PPP4R1: variants seen among roughly 807,000 people sequenced by gnomAD.
The protein encoded by PPP4R1 is serine/threonine-protein phosphatase 4 regulatory subunit 1.
Under a neutral mutation model 111.2 loss-of-function variants are expected in PPP4R1, and 42 were observed. The observed-to-expected ratio is 0.38, with a 90% CI of 0.29 to 0.49. PPP4R1 has a LOEUF of 0.49. Ranked by LOEUF, PPP4R1 falls within the 20% of genes least tolerant of loss-of-function variation. The pLI, the probability that PPP4R1 is intolerant of heterozygous loss-of-function variation, is 0.97. For missense variants in PPP4R1, 1,012 were observed against 1,161.6 expected, an observed-to-expected ratio of 0.87 and a Z score of 1.87; for synonymous variants, 409 against 405.5, an observed-to-expected ratio of 1.01 and a Z score of -0.10.
intron 2 of PPP4R1, among the ~76,000 whole-genome samples, chr18:9,607,972 C>T (rs952663675): frequency 1.3e-5 from 2 of 151,696 alleles, no homozygotes; most frequent in African/African-American, 2.4e-5. Context: ...TTAATAGAGA[C>T]GGGGTTTCAC....
chr18:9,559,680 A>G, intron 13 of PPP4R1, 76 bp from the exon 14 acceptor site: 2 of 1,115,522 alleles, frequency 1.8e-6, no homozygotes, highest in Non-Finnish European at 2.4e-6. Flanking sequence ...AATTGGGCAA[A>G]ATTATTTTTA....
At chr18:9,557,876 A>G (rs1372444343) in intron 14 of PPP4R1, among the ~76,000 whole-genome samples, 1 of 152,200 alleles carries the variant, frequency 6.6e-6, no homozygotes, top group Non-Finnish European at 1.5e-5. Flanking sequence ...GGACCAAAGG[A>G]TCTCTAGCAC....
At chr18:9,595,901 G>A (rs932244372) in intron 2 of PPP4R1, among the ~76,000 whole-genome samples, 2 of 152,144 alleles carry the variant, frequency 1.3e-5, no homozygotes, top group Non-Finnish European at 2.9e-5. Flanking sequence ...ACTACCAAAG[G>A]AGTCAAGGAA....
intron 4 of PPP4R1, among the ~76,000 whole-genome samples, chr18:9,591,893 C>T (rs1451129321): frequency 4.6e-5 from 7 of 152,100 alleles, no homozygotes; most frequent in East Asian, 3.9e-4. Flanking sequence ...ATGGTGAAAC[C>T]CCTTCTCTAC....
At chr18:9,566,926 T>TA (rs369091036) in intron 11 of PPP4R1, among the ~76,000 whole-genome samples, 57 of 152,316 alleles carry the variant, frequency 3.7e-4, no homozygotes, top group African/African-American at 1.3e-3. Flanking sequence ...AGAGCTCTGA[T>TA]AGAGGCGTAT....
At chr18:9,556,692 C>T (rs577500374) in intron 15 of PPP4R1, among the ~76,000 whole-genome samples, 52 of 152,318 alleles carry the variant, frequency 3.4e-4, no homozygotes, top group African/African-American at 9.9e-4. Flanking sequence ...ATTCTCAAGA[C>T]GCCTGAAATA....
rs1271058684 is a variant in PPP4R1, at chr18:9,547,770, A to AC, written c.*18dup. ...CTCGGCTCTCATGGAAGCAGGAAAG[A>AC]CACCGAGATTCAAGCCTTCTAGTAG... On this transcript the variant is annotated 3_prime_UTR_variant, in exon 20 of 20. Coordinates refer to ENST00000400556, the MANE Select transcript of PPP4R1 (RefSeq NM_001042388.3). The AC allele has an allele frequency of 6.2e-7, 1 of 1,611,112 alleles. No homozygotes were observed. The highest frequency in any genetic ancestry group is 8.5e-7 in the Non-Finnish European group (1 of 1,179,158).
At chr18:9,588,662 T>C in intron 5 of PPP4R1, 49 bp downstream of exon 5, 1 of 1,506,196 alleles carries the variant, frequency 6.6e-7, no homozygotes, top group South Asian at 1.2e-5. Flanking sequence ...ATTCTCCATA[T>C]ATTACACTAC....
At position 9,549,271 on chromosome 18, in the gene PPP4R1, G is replaced by C. The variant is rs1465154017; in HGVS notation, c.2615C>G (p.Thr872Ser). The C allele has an allele frequency of 1.2e-6, 2 of 1,613,856 alleles. No individual in the cohort carries two copies. The highest frequency in any genetic ancestry group is 1.1e-5 in the South Asian group (1 of 91,090). The stretch of plus-strand genomic sequence containing the variant: ...GTTAGGAACCCTGTCATTTGCTAAG[G>C]TTAGCAGATGCGGCATGAGATGCAC... ...FAVHLMPHLL[T>S]LANDRVPNVR... The change falls in exon 19 of 20, where the codon ACC becomes AGC. Residue 872 changes from threonine to serine, a missense_variant. Physicochemically the swap from Thr to Ser is moderately conservative, Grantham distance 58. This residue lies in a region of PPP4R1 where 305 missense variants were observed against 419.5 expected (regional missense o/e 0.73). Transcript: ENST00000400556.
At chr18:9,605,959 G>T (rs2067474968) in intron 2 of PPP4R1, among the ~76,000 whole-genome samples, 1 of 152,190 alleles carries the variant, frequency 6.6e-6, no homozygotes, top group African/African-American at 2.4e-5. Context: ...GTATAGAGAA[G>T]TAACGAGCAA....
chr18:9,572,439 G>C (rs1205135604), intron 10 of PPP4R1, among the ~76,000 whole-genome samples: 1 of 152,150 alleles, frequency 6.6e-6, no homozygotes, highest in Non-Finnish European at 1.5e-5. Flanking sequence ...TCTGAGAAGA[G>C]GAAAGAATAT....
rs1442947836 is a variant in PPP4R1 at position 9,584,595 on chromosome 18, A to G, written c.694-15T>C. 1.2e-6 allele frequency: 2 copies of G among 1,609,304 alleles called. No individual in the cohort carries two copies. The highest frequency in any genetic ancestry group is 2.2e-5 in the East Asian group (1 of 44,858). Reference sequence around the variant, plus strand: ...GCAGCACAGACCTGACAACAAAAGCATCATTGACATTTCAAAATATTACAC... The same window carrying G: ...GCAGCACAGACCTGACAACAAAAGCGTCATTGACATTTCAAAATATTACAC... On this transcript the variant is annotated splice_polypyrimidine_tract_variant and intron_variant, in intron 7 of 19. Coordinates refer to ENST00000400556, the MANE Select transcript of PPP4R1 (RefSeq NM_001042388.3).
At position 9,610,908 on chromosome 18, in the gene PPP4R1, T is replaced by C. The variant is rs543161232; in HGVS notation, c.52+3318A>G. Among the ~76,000 whole-genome samples the C allele has an allele frequency of 1.6e-3, 232 of 148,602 alleles. 3 individuals carry two copies. The highest frequency in any genetic ancestry group is 2.5e-3 in the Non-Finnish European group (164 of 65,894). On this transcript the variant is annotated intron_variant, in intron 2 of 19. Transcript: ENST00000400556. The stretch of plus-strand genomic sequence containing the variant: ...CACACACACACACAAATACCATCCA[T>C]TTTTCCCTCATTAGGATTTTTTTTC...
upstream of PPP4R1, chr18:9,614,625 G>GC (rs1253218614): frequency 9.7e-4 from 302 of 310,162 alleles, 4 homozygotes; most frequent in African/African-American, 6.9e-3. This position sits in a 1 kb window ranked among gnomAD's most constrained non-coding sequence, Gnocchi z 4.1. Context: ...CGCGCGGGGC[G>GC]GGCCGAGGGC....
chr18:9,608,483 T>C (rs1472975907), intron 2 of PPP4R1, among the ~76,000 whole-genome samples: 1 of 152,208 alleles, frequency 6.6e-6, no homozygotes, highest in Non-Finnish European at 1.5e-5. Flanking sequence ...GATAAGAAGC[T>C]AAGATGACTT....
At position 9,570,246 on chromosome 18, in the gene PPP4R1, C is replaced by G; in HGVS notation, c.1484G>C (p.Ser495Thr). The G allele has an allele frequency of 6.2e-7, 1 of 1,600,138 alleles. No individual in the cohort carries two copies. The highest frequency in any genetic ancestry group is 8.5e-7 in the Non-Finnish European group (1 of 1,175,378). Residue 495 changes from serine to threonine, a missense_variant, in exon 11 of 20, where the codon AGT becomes ACT. This residue lies in a region of PPP4R1 where 707 missense variants were observed against 742.1 expected (regional missense o/e 0.95). Transcript: ENST00000400556. ...PEEESEGPVPSSPNITMATRK... is the reference protein window; with the variant it reads ...PEEESEGPVPTSPNITMATRK... ...GGTGGCCATGGTGATGTTTGGAGAA[C>G]TGGGCACAGGGCCCTCAGATTCTTC...
intron 6 of PPP4R1, among the ~76,000 whole-genome samples, chr18:9,586,121 TATTTTTATTAAGAAATTA>T (rs1346001878): frequency 2.6e-5 from 4 of 151,902 alleles, no homozygotes; most frequent in Non-Finnish European, 5.9e-5. Context: ...AAAAATGAAT[TATTTTTATTAAGAAATTA>T]ATTTTTATTA....
rs1380392193 is a variant in PPP4R1 at position 9,563,518 on chromosome 18, C to T, written c.1606G>A (p.Ala536Thr). Reference sequence around the variant, plus strand: ...TCTTCATGTGCATCCAGGCTGGAAGCACGTAGTGCAGCGGACAGCACTTCC... The same window carrying T: ...TCTTCATGTGCATCCAGGCTGGAAGTACGTAGTGCAGCGGACAGCACTTCC... The part of the protein sequence containing the change: ...QVEVLSAALR[A>T]SSLDAHEETI... Residue 536 changes from alanine to threonine, a missense_variant, in exon 12 of 20, where the codon GCT (alanine) becomes ACT (threonine). Ala to Thr is a moderately conservative substitution (Grantham distance 58). Around this residue, in one of 2 missense-constraint regions of PPP4R1, gnomAD observed 707 missense variants for 742.1 expected, o/e 0.95. Transcript: ENST00000400556. 1 of 1,607,588 alleles carries T rather than the reference C, an allele frequency of 6.2e-7. No individual in the cohort carries two copies. The highest frequency in any genetic ancestry group is 8.5e-7 in the Non-Finnish European group (1 of 1,175,716).
chr18:9,560,993 G>A (rs950259321), intron 13 of PPP4R1, among the ~76,000 whole-genome samples: 5 of 151,932 alleles, frequency 3.3e-5, no homozygotes, highest in African/African-American at 1.2e-4. Context: ...TGAGGTGGGC[G>A]GATCACTTGA....
Sources: gnomAD v4.1 joint callset for allele counts (sites outside exome capture counted in the v4.1 genomes callset) on GRCh38, gnomAD v4.1.1 for gene constraint, gnomAD v4.1.1 regional missense constraint, Gnocchi (gnomAD v3.1) non-coding constraint, MANE v1.5 for transcripts, NCBI Gene and HGNC (gene_info 2026-07-23, HGNC 2026-07-21) for gene names.